TTBK2: variants seen among roughly 807,000 people sequenced by gnomAD.
The protein encoded by TTBK2 is tau-tubulin kinase 2.
TTBK2 carries 28 observed loss-of-function variants against 110.8 expected under a neutral mutation model. That is an observed-to-expected ratio of 0.25 (90% confidence interval 0.19 to 0.35). The LOEUF (loss-of-function observed/expected upper bound fraction) is 0.35. TTBK2 is among the 10% of genes least tolerant of loss of function. The pLI, the probability that TTBK2 is intolerant of heterozygous loss-of-function variation, is 1.00. For synonymous variants in TTBK2, 532 were observed against 527.3 expected (o/e 1.01, Z -0.12); for missense variants, 1,369 against 1,500.3 (o/e 0.91, Z 1.45).
At chr15:42,848,607 C>T (rs1893567188) in intron 3 of TTBK2, among the ~76,000 whole-genome samples, 1 of 152,072 alleles carries the variant, frequency 6.6e-6, no homozygotes, top group Non-Finnish European at 1.5e-5. Flanking sequence ...TATCCTGCCT[C>T]AGCCTCCCAG....
intron 13 of TTBK2, among the ~76,000 whole-genome samples, chr15:42,763,282 T>C (rs1333691036): frequency 7.7e-6 from 1 of 130,138 alleles, no homozygotes; most frequent in Non-Finnish European, 1.6e-5. Context: ...AGTGCGATCT[T>C]TGCTCACTGC....
chr15:42,835,681 G>A (rs930021832), intron 4 of TTBK2, among the ~76,000 whole-genome samples: 5 of 151,768 alleles, frequency 3.3e-5, no homozygotes, highest in Non-Finnish European at 5.9e-5. Context: ...ACTGAAGATT[G>A]GTTTGATATT....
chr15:42,865,178 GTGGCTGTAATCCCAGTACTA>G (rs1188731205), intron 3 of TTBK2, among the ~76,000 whole-genome samples: 1 of 152,162 alleles, frequency 6.6e-6, no homozygotes, highest in African/African-American at 2.4e-5. Context: ...GCCAGGCACA[GTGGCTGTAATCCCAGTACTA>G]TGGACGGTCG....
chr15:42,832,323 TA>T (rs1892794985), intron 4 of TTBK2, among the ~76,000 whole-genome samples: 1 of 152,218 alleles, frequency 6.6e-6, no homozygotes, highest in Admixed American at 6.5e-5. Flanking sequence ...GGAAATCAAT[TA>T]AATTTTATTT....
chr15:42,833,503 T>C (rs77286997), intron 4 of TTBK2, among the ~76,000 whole-genome samples: 17,569 of 152,162 alleles, frequency 0.12, 1,281 homozygotes, highest in East Asian at 0.23. Context: ...TCCCCATCCA[T>C]ATCCTCTCCC....
chr15:42,820,946 G>A lies in TTBK2; in HGVS notation c.538-3849C>T, dbSNP rs187701168. Among the ~76,000 whole-genome samples, 354 of 152,256 alleles carry A rather than the reference G, an allele frequency of 2.3e-3. 3 individuals carry two copies. Among genetic ancestry groups the A allele is most frequent in the Non-Finnish European group, 9.0e-4 (61 of 68,022 alleles). On this transcript the variant is annotated intron_variant, in intron 6 of 14. Coordinates refer to ENST00000267890, the MANE Select transcript of TTBK2 (RefSeq NM_173500.4). ...ATGGGAGAATCCCCCAGCTATTTAG[G>A]AGGATGTGGCAGGAGGACTGCTGAG...
At chr15:42,779,505 T>C (rs1428753640) in intron 11 of TTBK2, among the ~76,000 whole-genome samples, 2 of 151,846 alleles carry the variant, frequency 1.3e-5, no homozygotes, top group Non-Finnish European at 2.9e-5. Flanking sequence ...CTAAGTACAT[T>C]TATAGATAAG....
rs756629999 is a variant in TTBK2 at position 42,775,203 on chromosome 15, C to G, written c.1930G>C (p.Ala644Pro). The change falls in exon 13 of 15, where the codon GCT becomes CCT. Residue 644 changes from alanine to proline, a missense_variant. Transcript: ENST00000267890. ...GGCGTCGCTGCAATAAACTGACTAG[C>G]AGCTCCAGGCTGGAGTTCCAGCCTA... ...TDRLELQPGA[A>P]SQFIAATPTS... The G allele has an allele frequency of 6.2e-5, 100 of 1,614,126 alleles. 1 individual carries two copies. The East Asian group carries it at 2.2e-3, about 36-fold the overall frequency.
intron 10 of TTBK2, among the ~76,000 whole-genome samples, chr15:42,791,404 C>T (rs1011658885): frequency 4.6e-5 from 7 of 152,230 alleles, no homozygotes; most frequent in African/African-American, 7.2e-5. Context: ...GGGACTCCAA[C>T]AACCTGACTG....
chr15:42,867,052 G>C (rs1470359718), intron 3 of TTBK2, among the ~76,000 whole-genome samples: 3 of 151,936 alleles, frequency 2.0e-5, no homozygotes, highest in Non-Finnish European at 4.4e-5. Flanking sequence ...AGACCATCCT[G>C]GCTAACACGG....
intron 3 of TTBK2, among the ~76,000 whole-genome samples, chr15:42,847,535 T>C (rs2141035727): frequency 6.6e-6 from 1 of 152,376 alleles, no homozygotes; most frequent in East Asian, 1.9e-4. Flanking sequence ...TGTTTTCTTC[T>C]AAAAGTTACA....
In TTBK2 at chr15:42,745,168, T is replaced by C. The variant is rs1280827212; in HGVS notation, c.*627A>G. The C allele has an allele frequency of 1.3e-5, 2 of 152,664 alleles. No individual in the cohort carries two copies. The highest frequency in any genetic ancestry group is 2.9e-5 in the Non-Finnish European group (2 of 68,512). 9.5% of individuals were successfully genotyped at this position (152,664 alleles called of 1,614,324 possible). A position where few individuals can be genotyped will look rare whatever the true frequency, so the allele number is the denominator to read the frequency against. On this transcript the variant is annotated 3_prime_UTR_variant, in exon 15 of 15. Transcript: ENST00000267890. ...GGATTTGATAGTACAACTAGGACCATAAAATAAAAGCAGAGAGATTGAATC... is the reference window on the plus strand; with the variant it reads ...GGATTTGATAGTACAACTAGGACCACAAAATAAAAGCAGAGAGATTGAATC...
In TTBK2 at chr15:42,875,336, G is replaced by T. The variant is rs117193101; in HGVS notation, c.70-2578C>A. Among the ~76,000 whole-genome samples, 409 of 152,242 alleles carry T rather than the reference G, an allele frequency of 2.7e-3. 2 individuals are homozygous for T. Among genetic ancestry groups the T allele is most frequent in the Non-Finnish European group, 4.9e-3 (332 of 68,020 alleles). ...GATTGGGGTACACAGATTACAAGAAGAATAGAGGTAAGGTCTGTGGAAGAT... is the reference window on the plus strand; with the variant it reads ...GATTGGGGTACACAGATTACAAGAATAATAGAGGTAAGGTCTGTGGAAGAT... On this transcript the variant is annotated intron_variant, in intron 2 of 14. Transcript: ENST00000267890.
chr15:42,819,100 TTTTTC>T (rs1323964627), intron 6 of TTBK2, among the ~76,000 whole-genome samples: 1 of 151,314 alleles, frequency 6.6e-6, no homozygotes, highest in African/African-American at 2.4e-5. Flanking sequence ...TTGGGTTTTT[TTTTTC>T]TTAAGTAACC....
Position 42,752,482 on chromosome 15 carries a change from C to T in TTBK2, c.2764G>A (p.Glu922Lys). The T allele has an allele frequency of 6.2e-7, 1 of 1,614,200 alleles. No individual in the cohort carries two copies. The highest frequency in any genetic ancestry group is 8.5e-7 in the Non-Finnish European group (1 of 1,180,040). Residue 922 changes from glutamate (E) to lysine (K), a missense_variant, in exon 14 of 15, where the codon GAG becomes AAG. Transcript: ENST00000267890. The part of the protein sequence containing the change: ...RNGELFHCVS[E>K]NEHGAPTRKD... ...CGGGTTGGGGCACCATGTTCATTCTCTGAAACACAATGAAATAGTTCTCCA... is the reference window on the plus strand; with the variant it reads ...CGGGTTGGGGCACCATGTTCATTCTTTGAAACACAATGAAATAGTTCTCCA...
chr15:42,872,915 A>G (rs1265780369), intron 2 of TTBK2, among the ~76,000 whole-genome samples, 157 bp from the exon 3 acceptor site: 1 of 152,230 alleles, frequency 6.6e-6, no homozygotes, highest in Non-Finnish European at 1.5e-5. Context: ...TGCCAAGAAG[A>G]AAACATATGC....
At chr15:42,826,982 G>A (rs568296036) in intron 6 of TTBK2, among the ~76,000 whole-genome samples, 20 of 152,280 alleles carry the variant, frequency 1.3e-4, no homozygotes, top group African/African-American at 4.8e-4. Context: ...CTTCAGAAAT[G>A]ATTCCATTTT....
chr15:42,783,560 A>C lies in TTBK2; in HGVS notation c.1056T>G (p.Leu352=). ...CAGGGATGCCATTTTCTCCATCGCT[A>C]AGCTGTTCATCTGGAAATACCTCAT... The part of the protein sequence containing the change: ...NTDEVFPDEQ[L]SDGENGIPVG... The change falls in exon 11 of 15, where the codon CTT becomes CTG. Residue 352 remains leucine, a synonymous_variant. Transcript: ENST00000267890. The C allele has an allele frequency of 6.2e-7, 1 of 1,614,118 alleles. No individual in the cohort carries two copies. The highest frequency in any genetic ancestry group is 8.5e-7 in the Non-Finnish European group (1 of 1,180,022).
intron 2 of TTBK2, among the ~76,000 whole-genome samples, chr15:42,875,001 G>A (rs1894762254): frequency 6.6e-6 from 1 of 150,950 alleles, no homozygotes. Context: ...AAAAAAAATT[G>A]ATACTTATGA....
Sources: gnomAD v4.1 joint callset for allele counts (sites outside exome capture counted in the v4.1 genomes callset) on GRCh38, gnomAD v4.1.1 for gene constraint, MANE v1.5 for transcripts, NCBI Gene and HGNC (gene_info 2026-07-23, HGNC 2026-07-21) for gene names.